Variants in PCDHGA3 observed in about 807,000 individuals in gnomAD.
The protein encoded by PCDHGA3 is protocadherin gamma-A3.
PCDHGA3 carries 40 observed loss-of-function variants against 58.5 expected under a neutral mutation model. The observed-to-expected ratio is 0.68, with a 90% CI of 0.53 to 0.89. The LOEUF (loss-of-function observed/expected upper bound fraction) is 0.89, where lower values mean the gene tolerates loss of function less well. Among genes scored for constraint, PCDHGA3 ranks in the 40% least tolerant of loss-of-function variants. PCDHGA3 has a pLI of 0.00. For synonymous variants in PCDHGA3, 530 were observed against 525.7 expected (o/e 1.01, Z -0.11); for missense variants, 1,223 against 1,195.9 (o/e 1.02, Z -0.33).
chr5:141,376,254 T>C (rs745835885), intron 1 of PCDHGA3: 3 of 1,614,098 alleles, frequency 1.9e-6, no homozygotes, highest in Non-Finnish European at 2.5e-6. Context: ...AAGTCACGCC[T>C]GCTGCAGGCT....
intron 1 of PCDHGA3, chr5:141,441,973 C>T (rs1457832429): frequency 6.7e-6 from 2 of 296,542 alleles, no homozygotes; most frequent in Admixed American, 4.4e-5. Context: ...GCTCTTCAGC[C>T]TGGAATGCGC....
chr5:141,386,398 C>T (rs904703549), intron 1 of PCDHGA3, among the ~76,000 whole-genome samples: 2 of 151,972 alleles, frequency 1.3e-5, no homozygotes, highest in South Asian at 2.1e-4. Flanking sequence ...ACACTTTTAG[C>T]CAGGTATGGT....
rs756525217 is a variant in PCDHGA3, at chr5:141,402,958, A to T, written c.2424+56501A>T. On this transcript the variant is annotated intron_variant, in intron 1 of 3. Coordinates refer to ENST00000253812, the MANE Select transcript of PCDHGA3 (RefSeq NM_018916.4). Reference sequence around the variant, plus strand: ...AATTCCAAAGCGAGGCAGCAATGGCAGCTCCAACCAAATGCCAGCTCCGCG... The same window carrying T: ...AATTCCAAAGCGAGGCAGCAATGGCTGCTCCAACCAAATGCCAGCTCCGCG... 48 of 1,602,110 alleles carry T rather than the reference A, an allele frequency of 3.0e-5. 1 individual carries two copies. The highest frequency in any genetic ancestry group is 8.5e-7 in the Non-Finnish European group (1 of 1,173,862).
chr5:141,467,476 G>C (rs114088806), intron 1 of PCDHGA3, among the ~76,000 whole-genome samples: 1,866 of 152,156 alleles, frequency 0.012, 41 homozygotes, highest in African/African-American at 0.043. Flanking sequence ...CATGGTTTTT[G>C]GTTTCCACAT....
intron 1 of PCDHGA3, chr5:141,399,237 AGATTCTG>A: frequency 6.2e-7 from 1 of 1,614,002 alleles, no homozygotes; most frequent in South Asian, 1.1e-5. Context: ...TACATGACCA[AGATTCTG>A]GGGAAAATGG....
chr5:141,437,800 C>G (rs963856257), intron 1 of PCDHGA3, among the ~76,000 whole-genome samples: 1 of 150,744 alleles, frequency 6.6e-6, no homozygotes, highest in African/African-American at 2.4e-5. Flanking sequence ...TGCAGTGGCA[C>G]TATCTTGGCT....
chr5:141,361,294 T>C, intron 1 of PCDHGA3: 1 of 1,613,920 alleles, frequency 6.2e-7, no homozygotes, highest in South Asian at 1.1e-5. Context: ...CTGCCAAGTG[T>C]TGGGAAATGC....
intron 1 of PCDHGA3, chr5:141,394,715 C>T (rs776573423): frequency 6.2e-7 from 1 of 1,613,304 alleles, no homozygotes; most frequent in African/African-American, 1.3e-5. Flanking sequence ...CCCTGCTGGA[C>T]AGAGATGCGC....
At chr5:141,399,231 T>C in intron 1 of PCDHGA3, 1 of 1,613,942 alleles carries the variant, frequency 6.2e-7, no homozygotes, top group Non-Finnish European at 8.5e-7. Flanking sequence ...TCAAAATACA[T>C]GACCAAGATT....
In PCDHGA3 at chr5:141,346,252, T is replaced by C; in HGVS notation, c.2219T>C (p.Phe740Ser). 6.2e-7 allele frequency: 1 copy of C among 1,614,176 alleles called. No homozygotes were observed. The highest frequency in any genetic ancestry group is 2.2e-5 in the East Asian group (1 of 44,870). ...TTGGCGAGTACGCCCGGCTCGCACTTTGTGGGCGCGGACGGGGTTCGGGCT... is the reference window on the plus strand; with the variant it reads ...TTGGCGAGTACGCCCGGCTCGCACTCTGTGGGCGCGGACGGGGTTCGGGCT... ...GGLASTPGSHFVGADGVRAFL... is the reference protein window; with the variant it reads ...GGLASTPGSHSVGADGVRAFL... The change falls in exon 1 of 4, where the codon TTT becomes TCT. Residue 740 changes from phenylalanine (F) to serine (S), a missense_variant. Physicochemically the swap from Phe to Ser is radical, Grantham distance 155. Coordinates refer to ENST00000253812, the MANE Select transcript of PCDHGA3 (RefSeq NM_018916.4).
intron 1 of PCDHGA3, chr5:141,408,334 C>T (rs2095086638): frequency 1.2e-6 from 2 of 1,613,910 alleles, no homozygotes; most frequent in East Asian, 2.2e-5. Context: ...TGGCCAAGGG[C>T]TCGGTGGTGG....
chr5:141,509,572 G>T (rs955898202), intron 3 of PCDHGA3, among the ~76,000 whole-genome samples: 24 of 152,300 alleles, frequency 1.6e-4, no homozygotes, highest in Middle Eastern at 3.4e-3. Context: ...CCTTCACAGT[G>T]CGTACAAATC....
chr5:141,415,739 GGTTTTTT>G lies in PCDHGA3; in HGVS notation c.2424+69283_2424+69289del. 7.6e-5 allele frequency: 33 copies of G among 434,894 alleles called. No homozygotes were observed. In the African/African-American group the frequency reaches 8.5e-4, roughly 11 times the overall value. The allele number at this position is 434,894 out of a possible 1,614,324, so 26.9% of individuals were successfully genotyped here. A position where few individuals can be genotyped will look rare whatever the true frequency, so the allele number is the denominator to read the frequency against. On this transcript the variant is annotated intron_variant, in intron 1 of 3. Transcript: ENST00000253812. ...ATGAGTAGAATTTGATGTTTATTAA[GGTTTTTT>G]TTTTTTTTTTTTTTTTTTTTTTTTT...
At chr5:141,381,022 G>T (rs1326220507) in intron 1 of PCDHGA3, among the ~76,000 whole-genome samples, 2 of 152,148 alleles carry the variant, frequency 1.3e-5, no homozygotes, top group African/African-American at 4.8e-5. Flanking sequence ...ACCTCTATTA[G>T]TTCCTTTAAA....
intron 1 of PCDHGA3, chr5:141,392,075 TG>T (rs2092461871): frequency 6.6e-6 from 1 of 152,236 alleles, no homozygotes. Context: ...GTAATTCAAG[TG>T]GCATTTAGAA....
Position 141,485,668 on chromosome 5 carries a change from T to C in PCDHGA3, c.2425-9139T>C. 6.2e-7 allele frequency: 1 copy of C among 1,612,698 alleles called. No homozygotes were observed. The highest frequency in any genetic ancestry group is 1.3e-5 in the African/African-American group (1 of 74,972). ...CTCAGGATGCAGATGTGGGGAGCAA[T>C]TCGATTAGCAGCTATAGGCTGAGCT... On this transcript the variant is annotated intron_variant, in intron 1 of 3. Transcript: ENST00000253812. The surrounding 1 kb of genome is among the most constrained non-coding windows in gnomAD (Gnocchi z 5.7).
intron 1 of PCDHGA3, chr5:141,421,919 TG>T: frequency 6.2e-7 from 1 of 1,613,642 alleles, no homozygotes; most frequent in Non-Finnish European, 8.5e-7. Flanking sequence ...CCCATTCGTG[TG>T]GTGGTCCTCG....
In PCDHGA3 at chr5:141,430,937, G is replaced by C. The variant is rs888990395; in HGVS notation, c.2425-63870G>C. ...CCTGGGGCTGGAGCCCCGGGAGCTC[G>C]CGGAGCGCGGAGTCCGCATCATCCC... On this transcript the variant is annotated intron_variant, in intron 1 of 3. Coordinates refer to ENST00000253812, the MANE Select transcript of PCDHGA3 (RefSeq NM_018916.4). The C allele has an allele frequency of 8.7e-6, 14 of 1,607,498 alleles. No individual in the cohort carries two copies. The highest frequency in any genetic ancestry group is 1.7e-5 in the Admixed American group (1 of 58,732).
At chr5:141,497,465 G>A (rs189158903) in intron 2 of PCDHGA3, among the ~76,000 whole-genome samples, 1 of 152,024 alleles carries the variant, frequency 6.6e-6, no homozygotes, top group East Asian at 1.9e-4. Flanking sequence ...TTGGAGATAT[G>A]GAGGAGAAGG....
Sources: gnomAD v4.1 joint callset for allele counts (sites outside exome capture counted in the v4.1 genomes callset) on GRCh38, gnomAD v4.1.1 for gene constraint, Gnocchi (gnomAD v3.1) non-coding constraint, MANE v1.5 for transcripts, NCBI Gene and HGNC (gene_info 2026-07-23, HGNC 2026-07-21) for gene names.